The following NAPA variants were observed in gnomAD, a reference collection of about 807,000 sequenced individuals.
NAPA encodes alpha-soluble NSF attachment protein.
A neutral mutation model predicts 48.0 loss-of-function variants in NAPA; 18 were observed. The observed-to-expected ratio is 0.38, with a 90% confidence interval of 0.26 to 0.56. The LOEUF (loss-of-function observed/expected upper bound fraction) is 0.56, where lower values mean the gene tolerates loss of function less well. Among genes scored for constraint, NAPA ranks in the 20% least tolerant of loss-of-function variants. NAPA has a pLI of 0.77. For missense variants in NAPA, 315 were observed against 385.0 expected, an observed-to-expected ratio of 0.82 and a Z score of 1.52; for synonymous variants, 152 against 149.9, an observed-to-expected ratio of 1.01 and a Z score of -0.10.
intron 3 of NAPA, among the ~76,000 whole-genome samples, chr19:47,498,319 G>A (rs531001800): frequency 1.2e-4 from 19 of 152,296 alleles, no homozygotes; most frequent in South Asian, 4.1e-4. Context: ...CAAGGCACCC[G>A]GCCAAGGGCA....
chr19:47,492,021 G>A lies in NAPA; in HGVS notation c.660C>T (p.Asn220=), dbSNP rs755244637. 1.9e-5 allele frequency: 30 copies of A among 1,613,760 alleles called. No homozygotes were observed. The highest frequency in any genetic ancestry group is 1.6e-4 in the Middle Eastern group (1 of 6,084). ...CGGGCGTGGGGTGTGCTACCTTGGC[G>A]TTGAGCATGTCGATGCAGAAGTGGC... ...ALCHFCIDML[N]AKLAVQKYEE... is the part of the protein sequence containing the mutation. Residue 220 remains asparagine, a synonymous_variant, in exon 8 of 11, where the codon AAC becomes AAT. Transcript: ENST00000263354.
chr19:47,488,321 C>A lies in NAPA; in HGVS notation c.855G>T (p.Lys285Asn), dbSNP rs1187346437. The A allele has an allele frequency of 5.0e-6, 8 of 1,613,660 alleles. No homozygotes were observed. The highest frequency in any genetic ancestry group is 5.9e-6 in the Non-Finnish European group (7 of 1,179,742). Residue 285 changes from lysine (K) to asparagine (N), a missense_variant, in exon 11 of 11, where the codon AAG (lysine) becomes AAT (asparagine). This residue lies in a region of NAPA where 137 missense variants were observed against 150.1 expected (regional missense o/e 0.91). Transcript: ENST00000263354. ...WLTTMLLRIKKTIQGDEEDLR is the reference protein window; with the variant it reads ...WLTTMLLRIKNTIQGDEEDLR Reference sequence around the variant, plus strand: ...GGTCCTCCTCATCGCCCTGGATGGTCTTCTTGATGCGCAGCAGCATGGTGG... The same window carrying A: ...GGTCCTCCTCATCGCCCTGGATGGTATTCTTGATGCGCAGCAGCATGGTGG...
chr19:47,494,691 T>C (rs575848936), intron 4 of NAPA, among the ~76,000 whole-genome samples: 1 of 128,418 alleles, frequency 7.8e-6, no homozygotes, highest in East Asian at 2.5e-4. Context: ...TGAGTGGAGA[T>C]CACGCCACTG....
chr19:47,513,998 GC>G (rs1968857170), intron 1 of NAPA, among the ~76,000 whole-genome samples: 1 of 151,204 alleles, frequency 6.6e-6, no homozygotes, highest in Non-Finnish European at 1.5e-5. Flanking sequence ...ACAGGTACCC[GC>G]CACCAGGCCC....
In NAPA at chr19:47,493,381, G is replaced by A. The variant is rs1968332872; in HGVS notation, c.420+35C>T. ...AGAAGAGAGAGCAGCACTGGTCCTGGCTGCCAGCCCATGCAGGGCCCTGCT... is the reference window on the plus strand; with the variant it reads ...AGAAGAGAGAGCAGCACTGGTCCTGACTGCCAGCCCATGCAGGGCCCTGCT... On this transcript the variant is annotated intron_variant, in intron 5 of 10. Transcript: ENST00000263354. This position sits in a 1 kb window ranked among gnomAD's most constrained non-coding sequence, Gnocchi z 6.4. The A allele has an allele frequency of 6.2e-7, 1 of 1,606,914 alleles. No individual in the cohort carries two copies. The highest frequency in any genetic ancestry group is 1.3e-5 in the African/African-American group (1 of 74,880).
At chr19:47,508,600 G>A (rs1310444518) in intron 1 of NAPA, among the ~76,000 whole-genome samples, 4 of 152,162 alleles carry the variant, frequency 2.6e-5, no homozygotes, top group East Asian at 1.9e-4. Context: ...TTGGGGTGGC[G>A]AGACCTGGGC....
At chr19:47,491,374 T>A (rs935803052) in intron 8 of NAPA, 1 of 157,684 alleles carries the variant, frequency 6.3e-6, no homozygotes, top group Admixed American at 6.3e-5. Flanking sequence ...CTGTGGGGTG[T>A]GTGTGTGTGG....
In NAPA at chr19:47,487,727, G is replaced by A. The variant is rs2122714884; in HGVS notation, c.*561C>T. 1 of 152,608 alleles carries A rather than the reference G, an allele frequency of 6.6e-6. No individual in the cohort carries two copies. Among genetic ancestry groups the A allele is most frequent in the Admixed American group, 6.5e-5 (1 of 15,310 alleles). The allele number at this position is 152,608 out of a possible 1,614,324, so 9.5% of individuals were successfully genotyped here. On this transcript the variant is annotated 3_prime_UTR_variant, in exon 11 of 11. Transcript: ENST00000263354. ...TCAAAGCATTAGGGAAGGAGCAGGT[G>A]TGGGGCTGGGGTGGGGAGAATCCCC...
At chr19:47,507,589 G>T (rs970793011) in intron 1 of NAPA, among the ~76,000 whole-genome samples, 2 of 152,204 alleles carry the variant, frequency 1.3e-5, no homozygotes, top group Non-Finnish European at 2.9e-5. Context: ...TTCCTCCTCA[G>T]ACTTAAGGCC....
chr19:47,503,526 A>C, intron 1 of NAPA, 24 bp from the exon 2 acceptor site: 1 of 1,607,624 alleles, frequency 6.2e-7, no homozygotes, highest in Non-Finnish European at 8.5e-7. Flanking sequence ...AAAGAAAAAA[A>C]GGAGACAATC....
Position 47,497,282 on chromosome 19 carries a change from CGCAGTGA to C in NAPA, c.296-1693_296-1687del, listed in dbSNP as rs527702759. ...GCTGAGGCGGCAAAGGCTGCTGCTC[CGCAGTGA>C]GCAGTGAGATCTGCAGCTGCCACCT... On this transcript the variant is annotated intron_variant, in intron 3 of 10. Coordinates refer to ENST00000263354, the MANE Select transcript of NAPA (RefSeq NM_003827.4). 751 of 161,208 alleles carry C rather than the reference CGCAGTGA, an allele frequency of 4.7e-3. 2 individuals carry two copies. Among genetic ancestry groups the C allele is most frequent in the Non-Finnish European group, 6.6e-3 (483 of 73,446 alleles). The allele number at this position is 161,208 out of a possible 1,614,324, so 10.0% of individuals were successfully genotyped here. A position where few individuals can be genotyped will look rare whatever the true frequency, so the allele number is the denominator to read the frequency against.
chr19:47,510,284 C>T (rs1968781564), intron 1 of NAPA, among the ~76,000 whole-genome samples: 1 of 152,234 alleles, frequency 6.6e-6, no homozygotes, highest in Admixed American at 6.5e-5. Context: ...CTCCCAGGGT[C>T]CCGCCGTTAT....
rs1968256479 is a variant in NAPA at position 47,491,198 on chromosome 19, T to C, written c.667-342A>G. 3 of 234,540 alleles carry C rather than the reference T, an allele frequency of 1.3e-5. No individual in the cohort carries two copies. The South Asian group carries it at 1.9e-4, about 15-fold the overall frequency. 14.5% of individuals were successfully genotyped at this position (234,540 alleles called of 1,614,324 possible). ...TGGGGCTGGTGCTTCTTGAGGACCC[T>C]GAGAGGGTCAAATGACGGTGAGCCC... On this transcript the variant is annotated intron_variant, in intron 8 of 10. Transcript: ENST00000263354.
In NAPA at chr19:47,490,293, G is replaced by T. The variant is rs368982964; in HGVS notation, c.735+495C>A. Among the ~76,000 whole-genome samples the T allele has an allele frequency of 6.9e-5, 10 of 145,826 alleles. No individual in the cohort carries two copies. The East Asian group carries it at 1.5e-3, about 21-fold the overall frequency. On this transcript the variant is annotated intron_variant, in intron 9 of 10. Transcript: ENST00000263354. ...GTGTGTGTACTGTGCAATGTGTTTT[G>T]TGTGAGGGGTGTGTCGTGTGTGTGT...
chr19:47,509,349 T>TAAAATAAAAA (rs869068004), intron 1 of NAPA, among the ~76,000 whole-genome samples: 10 of 92,154 alleles, frequency 1.1e-4, no homozygotes, highest in African/African-American at 4.4e-4. Context: ...TAAAATAAAA[T>TAAAATAAAAA]AAATAAAATA....
chr19:47,492,763 A>T, intron 7 of NAPA, 198 bp downstream of exon 7: 1 of 696,988 alleles, frequency 1.4e-6, no homozygotes, highest in South Asian at 1.5e-5. Context: ...CGGTGCTGGC[A>T]CGGCATGGAG....
At chr19:47,510,550 C>T (rs1030518059) in intron 1 of NAPA, among the ~76,000 whole-genome samples, 10 of 152,240 alleles carry the variant, frequency 6.6e-5, no homozygotes, top group Non-Finnish European at 1.3e-4. Context: ...CCATGATTTT[C>T]ATTTCACAGA....
At chr19:47,502,921 A>G (rs1011745819) in intron 2 of NAPA, among the ~76,000 whole-genome samples, 7 of 152,250 alleles carry the variant, frequency 4.6e-5, no homozygotes, top group Non-Finnish European at 1.0e-4. Flanking sequence ...GCAAGAGACT[A>G]AGCCAAGCCT....
Position 47,488,402 on chromosome 19 carries a change from C to T in NAPA, c.787-13G>A. On this transcript the variant is annotated splice_polypyrimidine_tract_variant and intron_variant, in intron 10 of 10. Coordinates refer to ENST00000263354, the MANE Select transcript of NAPA (RefSeq NM_003827.4). ...CGTATTCCTTCACCTGAGGGCACAC[C>T]AGGTGATAGGCTGGCCATGCTCCCC... 1 of 1,604,140 alleles carries T rather than the reference C, an allele frequency of 6.2e-7. No individual in the cohort carries two copies. Among genetic ancestry groups the T allele is most frequent in the Non-Finnish European group, 8.5e-7 (1 of 1,171,960 alleles).
Sources: gnomAD v4.1 joint callset for allele counts (sites outside exome capture counted in the v4.1 genomes callset) on GRCh38, gnomAD v4.1.1 for gene constraint, gnomAD v4.1.1 regional missense constraint, Gnocchi (gnomAD v3.1) non-coding constraint, MANE v1.5 for transcripts, NCBI Gene and HGNC (gene_info 2026-07-23, HGNC 2026-07-21) for gene names.